Variants in SPOCK3 observed in about 807,000 individuals in gnomAD.
SPOCK3 encodes the protein SPARC (osteonectin), cwcv and kazal like domains proteoglycan 3.
Under a neutral mutation model 56.6 loss-of-function variants are expected in SPOCK3, and 30 were observed. The ratio of observed to expected loss-of-function variants is 0.53; its 90% CI spans 0.40 to 0.72. The LOEUF (loss-of-function observed/expected upper bound fraction) is 0.72, where lower values mean the gene tolerates loss of function less well. Among genes scored for constraint, SPOCK3 ranks in the 30% least tolerant of loss-of-function variants. The pLI is 0.00. For missense variants in SPOCK3, 527 were observed against 530.0 expected (o/e 0.99, Z 0.06); for synonymous variants, 196 against 183.3 (o/e 1.07, Z -0.56).
intron 2 of SPOCK3, among the ~76,000 whole-genome samples, chr4:167,162,564 A>T (rs567852181): frequency 6.6e-6 from 1 of 152,210 alleles, no homozygotes; most frequent in African/African-American, 2.4e-5. Flanking sequence ...AGACAATGCC[A>T]TCACCACAGA....
intron 4 of SPOCK3, among the ~76,000 whole-genome samples, chr4:166,915,345 G>T (rs78244522): frequency 0.015 from 2,208 of 152,096 alleles, 51 homozygotes; most frequent in East Asian, 0.059. Flanking sequence ...TGTTTCTTAT[G>T]ATTCATAATG....
chr4:166,749,353 T>C (rs940071208), intron 8 of SPOCK3, among the ~76,000 whole-genome samples: 1 of 43,144 alleles, frequency 2.3e-5, no homozygotes, highest in Non-Finnish European at 5.3e-5. Context: ...TGGATGAAGC[T>C]GGAAACTATC....
At chr4:166,953,548 C>G (rs4467598) in intron 4 of SPOCK3, among the ~76,000 whole-genome samples, 23,999 of 151,678 alleles carry the variant, frequency 0.16, 2,722 homozygotes, top group African/African-American at 0.33. Context: ...GGATCTAGAA[C>G]TAGAAATACC....
At chr4:167,089,230 C>A (rs142661055) in intron 2 of SPOCK3, among the ~76,000 whole-genome samples, 1 of 151,768 alleles carries the variant, frequency 6.6e-6, no homozygotes, top group Non-Finnish European at 1.5e-5. Flanking sequence ...AAACAACAAC[C>A]GACCAAACAA....
chr4:166,832,400 CA>C (rs56753414), intron 6 of SPOCK3, among the ~76,000 whole-genome samples: 106,793 of 149,368 alleles, frequency 0.71, 37,986 homozygotes, highest in East Asian at 0.81. Flanking sequence ...ATTAAAAAAT[CA>C]AAAAAAAAAC....
intron 2 of SPOCK3, among the ~76,000 whole-genome samples, chr4:167,073,969 CT>C: frequency 6.6e-6 from 1 of 151,560 alleles, no homozygotes; most frequent in South Asian, 2.1e-4. Context: ...ATGTGTATAT[CT>C]TGGAGTTTGT....
chr4:167,172,603 G>T (rs1222902027), intron 2 of SPOCK3, among the ~76,000 whole-genome samples: 1 of 151,960 alleles, frequency 6.6e-6, no homozygotes, highest in Admixed American at 6.6e-5. Context: ...TCCTTAATTT[G>T]TCCAAATGAG....
chr4:166,976,114 C>T (rs1221834329), intron 4 of SPOCK3, among the ~76,000 whole-genome samples: 2 of 146,856 alleles, frequency 1.4e-5, no homozygotes, highest in Non-Finnish European at 3.0e-5. Context: ...CTCCACCCAC[C>T]ACACACACAC....
intron 6 of SPOCK3, among the ~76,000 whole-genome samples, chr4:166,820,743 G>A (rs554886526): frequency 2.0e-5 from 3 of 151,886 alleles, no homozygotes; most frequent in Non-Finnish European, 2.9e-5. Flanking sequence ...AGGATCGCTG[G>A]AGCCTGTGAG....
intron 7 of SPOCK3, among the ~76,000 whole-genome samples, chr4:166,771,640 G>C (rs920796649): frequency 6.6e-6 from 1 of 151,908 alleles, no homozygotes; most frequent in African/African-American, 2.4e-5. Context: ...GTTCTAATGT[G>C]CCTAAATGTC....
At chr4:167,162,867 A>T (rs1765437790) in intron 2 of SPOCK3, among the ~76,000 whole-genome samples, 1 of 152,016 alleles carries the variant, frequency 6.6e-6, no homozygotes, top group Non-Finnish European at 1.5e-5. Flanking sequence ...TTTAGTATGC[A>T]AAATTATAGT....
intron 2 of SPOCK3, among the ~76,000 whole-genome samples, chr4:167,217,183 A>G (rs1735446318): frequency 6.6e-6 from 1 of 152,110 alleles, no homozygotes; most frequent in Admixed American, 6.6e-5. Flanking sequence ...TAATTTGAAT[A>G]TCCTTAACAA....
At chr4:167,210,058 A>G (rs182510838) in intron 2 of SPOCK3, among the ~76,000 whole-genome samples, 15 of 152,276 alleles carry the variant, frequency 9.9e-5, no homozygotes, top group African/African-American at 3.4e-4. Flanking sequence ...GTTTATGAAA[A>G]TCATCAGCTT....
intron 7 of SPOCK3, among the ~76,000 whole-genome samples, chr4:166,761,929 T>C (rs1737291251): frequency 6.7e-6 from 1 of 150,324 alleles, no homozygotes; most frequent in Admixed American, 6.6e-5. Context: ...AAAAGAGATT[T>C]GGGGGCTTGA....
intron 3 of SPOCK3, among the ~76,000 whole-genome samples, chr4:167,024,474 T>G (rs1751502975): frequency 6.6e-6 from 1 of 152,084 alleles, no homozygotes; most frequent in Non-Finnish European, 1.5e-5. Context: ...TATTAGATTA[T>G]GTAAGAGATG....
At chr4:166,873,541 T>C (rs1033871359) in intron 6 of SPOCK3, among the ~76,000 whole-genome samples, 1 of 152,176 alleles carries the variant, frequency 6.6e-6, no homozygotes, top group Non-Finnish European at 1.5e-5. Context: ...CCTTCTGCTC[T>C]ATATTGTTGT....
At chr4:166,986,941 T>C (rs1329573065) in intron 4 of SPOCK3, among the ~76,000 whole-genome samples, 2 of 152,108 alleles carry the variant, frequency 1.3e-5, no homozygotes, top group Non-Finnish European at 2.9e-5. Context: ...CACCAGAATC[T>C]TCCCCCAGGA....
At chr4:167,051,191 T>C (rs1273384843) in intron 3 of SPOCK3, among the ~76,000 whole-genome samples, 1 of 152,088 alleles carries the variant, frequency 6.6e-6, no homozygotes, top group African/African-American at 2.4e-5. Flanking sequence ...CATTCAGGGA[T>C]CAAGAGATCA....
intron 4 of SPOCK3, among the ~76,000 whole-genome samples, chr4:166,977,809 A>G (rs1455019749): frequency 6.6e-6 from 1 of 152,150 alleles, no homozygotes; most frequent in African/African-American, 2.4e-5. Flanking sequence ...GAAGGCTGCC[A>G]AAGCTCTTCT....
Sources: gnomAD v4.1 joint callset for allele counts (sites outside exome capture counted in the v4.1 genomes callset) on GRCh38, gnomAD v4.1.1 for gene constraint, MANE v1.5 for transcripts, NCBI Gene and HGNC (gene_info 2026-07-23, HGNC 2026-07-21) for gene names.